The following DISP2 variants were observed in gnomAD, a reference collection of about 807,000 sequenced individuals.
DISP2 encodes protein dispatched homolog 2.
A neutral mutation model predicts 95.5 loss-of-function variants in DISP2; 59 were observed. The observed-to-expected ratio is 0.62, with a 90% CI of 0.50 to 0.77. The LOEUF is 0.77. Ranked by LOEUF, DISP2 falls within the 30% of genes least tolerant of loss-of-function variation. The pLI, the probability that DISP2 is intolerant of heterozygous loss-of-function variation, is 0.00. For synonymous variants in DISP2, 827 were observed against 815.0 expected, an observed-to-expected ratio of 1.01 and a Z score of -0.25; for missense variants, 1,752 against 1,854.6, an observed-to-expected ratio of 0.94 and a Z score of 1.02.
chr15:40,365,621 G>A lies in DISP2; in HGVS notation c.848-7G>A, dbSNP rs1889485226. 3.1e-6 allele frequency: 5 copies of A among 1,614,072 alleles called. No homozygotes were observed. The highest frequency in any genetic ancestry group is 1.3e-5 in the African/African-American group (1 of 75,022). On this transcript the variant is annotated splice_polypyrimidine_tract_variant and splice_region_variant and intron_variant, in intron 6 of 7. Coordinates refer to ENST00000267889, the MANE Select transcript of DISP2 (RefSeq NM_033510.3). Reference sequence around the variant, plus strand: ...ACTGAGCTCCAGGTTGCGGGGGTATGTTGCAGAGAAGAGCTATGCAAAGCT... The same window carrying A: ...ACTGAGCTCCAGGTTGCGGGGGTATATTGCAGAGAAGAGCTATGCAAAGCT...
At chr15:40,365,476 G>A in intron 6 of DISP2, 152 bp from the exon 7 acceptor site, 3 of 1,244,360 alleles carry the variant, frequency 2.4e-6, no homozygotes, top group Non-Finnish European at 3.5e-6. Flanking sequence ...GGGTTGGGGT[G>A]AGGCACAGGG....
At chr15:40,361,267 C>T (rs1348878913) in intron 1 of DISP2, among the ~76,000 whole-genome samples, 1 of 152,244 alleles carries the variant, frequency 6.6e-6, no homozygotes, top group Non-Finnish European at 1.5e-5. Flanking sequence ...GTGAGATTCT[C>T]AAGGTGTGAG....
chr15:40,365,539 C>T, intron 6 of DISP2, 89 bp from the exon 7 acceptor site: 2 of 1,463,828 alleles, frequency 1.4e-6, no homozygotes, highest in South Asian at 1.2e-5. Context: ...ATCTGAACCT[C>T]ATGTGGCCCT....
chr15:40,375,147 CA>C lies in DISP2; in HGVS notation c.*4833del, dbSNP rs1018461063. 2 of 152,316 alleles carry C rather than the reference CA, an allele frequency of 1.3e-5. No individual in the cohort carries two copies. The highest frequency in any genetic ancestry group is 4.1e-4 in the South Asian group (2 of 4,820). The allele number at this position is 152,316 out of a possible 1,614,324, so 9.4% of individuals were successfully genotyped here. On this transcript the variant is annotated 3_prime_UTR_variant, in exon 8 of 8. Coordinates refer to ENST00000267889, the MANE Select transcript of DISP2 (RefSeq NM_033510.3). The stretch of plus-strand genomic sequence containing the variant: ...TTCAATTCACCAGGAATATGAGAAA[CA>C]AAAGAAAGCCACTATGTGCTATGTA...
Position 40,370,876 on chromosome 15 carries a change from T to TA in DISP2, c.*559dup. 1 of 290,758 alleles carries TA rather than the reference T, an allele frequency of 3.4e-6. No homozygotes were observed. The allele number at this position is 290,758 out of a possible 1,614,324, so 18.0% of individuals were successfully genotyped here. On this transcript the variant is annotated 3_prime_UTR_variant, in exon 8 of 8. Transcript: ENST00000267889. ...CTCCCCAACTGCCCTGCTCTCCTCA[T>TA]ACTCACCGGTTTGACCAGAAATTCT...
chr15:40,369,896 G>T lies in DISP2; in HGVS notation c.3784G>T (p.Ala1262Ser). Residue 1262 changes from alanine (A) to serine (S), a missense_variant, in exon 8 of 8, where the codon GCC (alanine) becomes TCC (serine). Transcript: ENST00000267889. ...SQGEEAEPLP[A>S]SPEAPAHSPK... ...AGGGGAGGAGGCTGAGCCCCTGCCA[G>T]CCTCACCAGAAGCCCCAGCCCACTC... 1 of 1,566,752 alleles carries T rather than the reference G, an allele frequency of 6.4e-7. No individual in the cohort carries two copies.
At chr15:40,361,087 C>T (rs1409555923) in intron 1 of DISP2, among the ~76,000 whole-genome samples, 2 of 152,208 alleles carry the variant, frequency 1.3e-5, no homozygotes, top group African/African-American at 4.8e-5. Flanking sequence ...TGGCTGCTTA[C>T]GTTATTAACT....
At position 40,367,916 on chromosome 15, in the gene DISP2, G is replaced by A; in HGVS notation, c.1804G>A (p.Ala602Thr). ...LLLVSGLTTS[A>T]AFYASYLSRL... is the part of the protein sequence containing the mutation. ...GCTGGTCTCCGGCCTCACCACGAGC[G>A]CGGCCTTCTATGCCAGCTACCTGAG... The change falls in exon 8 of 8, where the codon GCG becomes ACG. Residue 602 changes from alanine (A) to threonine (T), a missense_variant. Around this residue, in one of 5 missense-constraint regions of DISP2, gnomAD observed 732 missense variants for 714.6 expected, o/e 1.02. Coordinates refer to ENST00000267889, the MANE Select transcript of DISP2 (RefSeq NM_033510.3). 1 of 1,596,164 alleles carries A rather than the reference G, an allele frequency of 6.3e-7. No individual in the cohort carries two copies. Among genetic ancestry groups the A allele is most frequent in the Non-Finnish European group, 8.5e-7 (1 of 1,178,638 alleles).
intron 1 of DISP2, among the ~76,000 whole-genome samples, chr15:40,359,295 G>A (rs562121850): frequency 7.7e-4 from 117 of 152,314 alleles, no homozygotes; most frequent in African/African-American, 2.7e-3. Flanking sequence ...GATAGCAATA[G>A]CAGAAGTGGA....
In DISP2 at chr15:40,373,241, G is replaced by T. The variant is rs1308876448; in HGVS notation, c.*2923G>T. ...CACGCTGTGAGGCGTACAAAAATGA[G>T]TCAAAGCACTTATGCTTGCCCTGCA... On this transcript the variant is annotated 3_prime_UTR_variant, in exon 8 of 8. Coordinates refer to ENST00000267889, the MANE Select transcript of DISP2 (RefSeq NM_033510.3). 6.6e-6 allele frequency: 1 copy of T among 152,196 alleles called. No homozygotes were observed. The highest frequency in any genetic ancestry group is 1.9e-4 in the East Asian group (1 of 5,200). 9.4% of individuals were successfully genotyped at this position (152,196 alleles called of 1,614,324 possible).
intron 7 of DISP2, among the ~76,000 whole-genome samples, 163 bp downstream of exon 7, chr15:40,365,888 G>A (rs531427441): frequency 6.6e-6 from 1 of 152,330 alleles, no homozygotes; most frequent in South Asian, 2.1e-4. Context: ...CTCCAGGTTG[G>A]GGTGGGAAAA....
rs1228470176 is a variant in DISP2, at chr15:40,368,699, G to A, written c.2587G>A (p.Asp863Asn). 1 of 1,612,918 alleles carries A rather than the reference G, an allele frequency of 6.2e-7. No homozygotes were observed. The highest frequency in any genetic ancestry group is 8.5e-7 in the Non-Finnish European group (1 of 1,180,030). ...GCCTGACCTCTGCTGCGGCCACTCG[G>A]ACTTCCCCTGGGCCCCCCAGTTTTT... The part of the protein sequence containing the change: ...LGPDLCCGHS[D>N]FPWAPQFFLH... The change falls in exon 8 of 8, where the codon GAC (aspartate) becomes AAC (asparagine). Residue 863 changes from aspartate (D) to asparagine (N), a missense_variant. Asp to Asn is a conservative substitution (Grantham distance 23). Coordinates refer to ENST00000267889, the MANE Select transcript of DISP2 (RefSeq NM_033510.3).
chr15:40,370,275 G>A lies in DISP2; in HGVS notation c.4163G>A (p.Trp1388Ter). 6.4e-7 allele frequency: 1 copy of A among 1,559,588 alleles called. No homozygotes were observed. The highest frequency in any genetic ancestry group is 1.2e-5 in the South Asian group (1 of 83,248). ...AGCCAGCCAGACCTGCCAGATGTTTGGCTGCGCAGGCCCAGCACTCACACG... is the reference window on the plus strand; with the variant it reads ...AGCCAGCCAGACCTGCCAGATGTTTAGCTGCGCAGGCCCAGCACTCACACG... Reference protein sequence around the residue: ...PNSQPDLPDVWLRRPSTHTSG... With the variant: ...PNSQPDLPDV The change falls in exon 8 of 8, where the codon TGG becomes TAG. Residue 1388 changes from tryptophan (W) to a stop codon, truncating the protein, a stop_gained. Coordinates refer to ENST00000267889, the MANE Select transcript of DISP2 (RefSeq NM_033510.3). LOFTEE classifies it high-confidence loss of function.
rs1450562701 is a variant in DISP2 at position 40,378,261 on chromosome 15, ATATT to A, written c.*7945_*7948del. 57 of 152,352 alleles carry A rather than the reference ATATT, an allele frequency of 3.7e-4. No individual in the cohort carries two copies. Among genetic ancestry groups the A allele is most frequent in the African/African-American group, 1.3e-3 (55 of 41,574 alleles). The allele number at this position is 152,352 out of a possible 1,614,324, so 9.4% of individuals were successfully genotyped here. A position where few individuals can be genotyped will look rare whatever the true frequency, so the allele number is the denominator to read the frequency against. ...TATGTACTAAGTAGAGACTAGGAAG[ATATT>A]TTTAAATACCCACTTTGAATTTTAG... On this transcript the variant is annotated 3_prime_UTR_variant, in exon 8 of 8. Coordinates refer to ENST00000267889, the MANE Select transcript of DISP2 (RefSeq NM_033510.3).
At chr15:40,359,345 T>C (rs957941931) in intron 1 of DISP2, among the ~76,000 whole-genome samples, 4 of 152,234 alleles carry the variant, frequency 2.6e-5, no homozygotes, top group African/African-American at 9.6e-5. Context: ...ATGTACATTC[T>C]GTACCCCAGA....
Position 40,358,452 on chromosome 15 carries a change from A to G in DISP2, c.119+12A>G. On this transcript the variant is annotated intron_variant, in intron 1 of 7. Transcript: ENST00000267889. ...GGCTCCCCGGACAGGTAGGGCGGAC[A>G]GCTCCGCAGATCCGTATCACAGACC... is the stretch of plus-strand genomic sequence containing the variant. 1 of 1,296,836 alleles carries G rather than the reference A, an allele frequency of 7.7e-7. No homozygotes were observed. The highest frequency in any genetic ancestry group is 9.8e-7 in the Non-Finnish European group (1 of 1,021,136). The allele number at this position is 1,296,836 out of a possible 1,614,324, so 80.3% of individuals were successfully genotyped here. A position where few individuals can be genotyped will look rare whatever the true frequency, so the allele number is the denominator to read the frequency against.
chr15:40,364,299 G>C (rs754110532), intron 3 of DISP2, 44 bp downstream of exon 3: 1 of 1,614,086 alleles, frequency 6.2e-7, no homozygotes, highest in Non-Finnish European at 8.5e-7. Context: ...GACCAGGCTG[G>C]TGCCCAGTTA....
In DISP2 at chr15:40,358,299, G is replaced by T; in HGVS notation, c.-23G>T. ...CGCCGCGGCTTCAGCACCAGCGCCC[G>T]GACAGCGGTGCCGCCCACGGGCATG... On this transcript the variant is annotated 5_prime_UTR_variant, in exon 1 of 8. Transcript: ENST00000267889. The T allele has an allele frequency of 7.8e-7, 1 of 1,279,038 alleles. No individual in the cohort carries two copies. The highest frequency in any genetic ancestry group is 9.8e-7 in the Non-Finnish European group (1 of 1,017,956). The allele number at this position is 1,279,038 out of a possible 1,614,324, so 79.2% of individuals were successfully genotyped here.
At chr15:40,362,845 C>A (rs567392315) in intron 1 of DISP2, among the ~76,000 whole-genome samples, 1 of 152,104 alleles carries the variant, frequency 6.6e-6, no homozygotes, top group African/African-American at 2.4e-5. Context: ...AGCACGTGCT[C>A]AATAATCTGT....
Sources: gnomAD v4.1 joint callset for allele counts (sites outside exome capture counted in the v4.1 genomes callset) on GRCh38, gnomAD v4.1.1 for gene constraint, gnomAD v4.1.1 regional missense constraint, MANE v1.5 for transcripts, NCBI Gene and HGNC (gene_info 2026-07-23, HGNC 2026-07-21) for gene names.